The following PIK3C2G variants were observed in gnomAD, a reference collection of about 807,000 sequenced individuals.
PIK3C2G encodes phosphatidylinositol-4-phosphate 3-kinase catalytic subunit type 2 gamma, also known as phosphatidylinositol 3-kinase C2 domain-containing subunit gamma.
In PIK3C2G, 168 loss-of-function variants were observed where a neutral mutation model predicts 181.1. That is an observed-to-expected ratio of 0.93 (90% CI 0.82 to 1.05). PIK3C2G has a LOEUF of 1.05. PIK3C2G is among the 50% of genes least tolerant of loss of function. The pLI, the probability that PIK3C2G is intolerant of heterozygous loss-of-function variation, is 0.00. For missense variants in PIK3C2G, 1,869 were observed against 1,732.8 expected, an observed-to-expected ratio of 1.08 and a Z score of -1.40; for synonymous variants, 573 against 592.2, an observed-to-expected ratio of 0.97 and a Z score of 0.47.
intron 26 of PIK3C2G, among the ~76,000 whole-genome samples, chr12:18,555,098 G>A (rs537746031): frequency 6.6e-6 from 1 of 152,116 alleles, no homozygotes; most frequent in African/African-American, 2.4e-5. Flanking sequence ...GAAGCCTTAT[G>A]AGAAATATTT....
At chr12:18,687,749 ATTTAATACAAAG>A in the PIK3C2G span, among the ~76,000 whole-genome samples, 3 of 152,074 alleles carry the variant, frequency 2.0e-5, no homozygotes, top group African/African-American at 7.2e-5. Flanking sequence ...CAAATTTTTG[ATTTAATACAAAG>A]GCTAGAAGCT....
At position 18,505,291 on chromosome 12, in the gene PIK3C2G, G is replaced by T; in HGVS notation, c.3154-1G>T. 1.3e-6 allele frequency: 2 copies of T among 1,586,186 alleles called. No homozygotes were observed. The highest frequency in any genetic ancestry group is 1.2e-5 in the South Asian group (1 of 86,116). On this transcript the variant is annotated splice_acceptor_variant, in intron 23 of 32. Transcript: ENST00000538779. LOFTEE classifies it high-confidence loss of function. ...TGCATGATTGTTTTTCAATGAATTA[G>T]GCCTTGAGGAACTTTTTCTACTCCT...
chr12:18,645,702 C>A (rs150836955), intron 32 of PIK3C2G, among the ~76,000 whole-genome samples: 21 of 152,262 alleles, frequency 1.4e-4, no homozygotes, highest in Non-Finnish European at 2.4e-4. Flanking sequence ...TTCATTATCT[C>A]ATTTCTTCCT....
At chr12:18,290,760 C>T in intron 3 of PIK3C2G, 95 bp from the exon 4 acceptor site, 3 of 783,552 alleles carry the variant, frequency 3.8e-6, no homozygotes, top group East Asian at 5.3e-5. Context: ...CAAAACACTA[C>T]ATGAAGTTTC....
intron 11 of PIK3C2G, among the ~76,000 whole-genome samples, chr12:18,356,558 TC>T (rs1940752391): frequency 6.6e-6 from 1 of 152,094 alleles, no homozygotes; most frequent in East Asian, 1.9e-4. Context: ...GTGACAGCCC[TC>T]TGTATCCTGA....
Position 18,381,779 on chromosome 12 carries a change from G to A in PIK3C2G, c.1894G>A (p.Gly632Arg), listed in dbSNP as rs537382833. 1.1e-5 allele frequency: 17 copies of A among 1,607,278 alleles called. No homozygotes were observed. Among genetic ancestry groups the A allele is most frequent in the South Asian group, 5.5e-5 (5 of 90,800 alleles). Residue 632 changes from glycine (G) to arginine (R), a missense_variant, in exon 14 of 33, where the codon GGG becomes AGG. Gly to Arg is a moderately radical substitution (Grantham distance 125, BLOSUM62 -2). Transcript: ENST00000538779. Reference sequence around the variant, plus strand: ...TGTCTTTTGCAGAAAATCCATTCTCGGGTCTATGCTGTTCAGCATGACATT... The same window carrying A: ...TGTCTTTTGCAGAAAATCCATTCTCAGGTCTATGCTGTTCAGCATGACATT... Reference protein sequence around the residue: ...PLFPKEKSILGSMLFSMTLQS... With the variant: ...PLFPKEKSILRSMLFSMTLQS...
intron 1 of PIK3C2G, among the ~76,000 whole-genome samples, chr12:18,269,569 C>T (rs1418672316): frequency 2.6e-5 from 4 of 152,102 alleles, no homozygotes; most frequent in Non-Finnish European, 5.9e-5. Context: ...GGTTTCAGAA[C>T]AATATTAGAG....
At chr12:18,244,746 C>T (rs1215530176), upstream of PIK3C2G, among the ~76,000 whole-genome samples, 1 of 152,018 alleles carries the variant, frequency 6.6e-6, no homozygotes, top group African/African-American at 2.4e-5. Context: ...CCTGGGGACA[C>T]TTATAATATT....
intron 29 of PIK3C2G, among the ~76,000 whole-genome samples, chr12:18,584,958 A>C (rs1173486751): frequency 1.3e-5 from 2 of 152,206 alleles, no homozygotes; most frequent in African/African-American, 4.8e-5. Flanking sequence ...TTCTCAGTGA[A>C]GGAGAAATAA....
intron 18 of PIK3C2G, among the ~76,000 whole-genome samples, chr12:18,433,605 T>C (rs1946287722): frequency 6.6e-6 from 1 of 152,222 alleles, no homozygotes; most frequent in Non-Finnish European, 1.5e-5. Context: ...ATGATAACAA[T>C]AACTGAGTAA....
chr12:18,696,756 G>C, the PIK3C2G span, among the ~76,000 whole-genome samples: 169 of 152,072 alleles, frequency 1.1e-3, no homozygotes, highest in East Asian at 0.023. Flanking sequence ...AGGTTCTCAG[G>C]GTTGAAAGGC....
chr12:18,444,096 A>C lies in PIK3C2G; in HGVS notation c.2504+20057A>C, dbSNP rs116292939. ...TCTATTACAAAATAAATATGTAAAC[A>C]AATCAATGAATATTAAAGTTCCCAT... is the stretch of plus-strand genomic sequence containing the variant. On this transcript the variant is annotated intron_variant, in intron 18 of 32. Coordinates refer to ENST00000538779, the MANE Select transcript of PIK3C2G (RefSeq NM_001288772.2). 4.7e-3 allele frequency among the ~76,000 whole-genome samples: 717 copies of C among 152,340 alleles called. 5 individuals are homozygous for C. Among genetic ancestry groups the C allele is most frequent in the African/African-American group, 0.017 (693 of 41,590 alleles).
chr12:18,617,466 A>G (rs1948654124), intron 31 of PIK3C2G, among the ~76,000 whole-genome samples: 1 of 152,184 alleles, frequency 6.6e-6, no homozygotes, highest in Non-Finnish European at 1.5e-5. Flanking sequence ...AAGAGAGAAA[A>G]TTTTGTATGC....
At chr12:18,414,058 T>A (rs1287959268) in intron 16 of PIK3C2G, among the ~76,000 whole-genome samples, 2 of 152,140 alleles carry the variant, frequency 1.3e-5, no homozygotes, top group Non-Finnish European at 2.9e-5. Flanking sequence ...TCAGGAGCCC[T>A]TTTTGAAAAG....
intron 32 of PIK3C2G, among the ~76,000 whole-genome samples, chr12:18,640,976 A>G (rs1479721026): frequency 6.6e-6 from 1 of 152,166 alleles, no homozygotes; most frequent in Admixed American, 6.5e-5. Context: ...ATACAAATGG[A>G]AGTTAATGTA....
intron 29 of PIK3C2G, among the ~76,000 whole-genome samples, chr12:18,571,079 A>G (rs897909611): frequency 6.6e-6 from 1 of 150,910 alleles, no homozygotes; most frequent in African/African-American, 2.5e-5. Flanking sequence ...ACAATATTGT[A>G]TATACAAATT....
intron 11 of PIK3C2G, among the ~76,000 whole-genome samples, chr12:18,356,154 G>A (rs1439836830): frequency 6.6e-6 from 1 of 152,214 alleles, no homozygotes; most frequent in Non-Finnish European, 1.5e-5. Context: ...AGAGATGGCA[G>A]GTTGCATCCT....
intron 1 of PIK3C2G, among the ~76,000 whole-genome samples, chr12:18,251,416 A>C (rs1473441158): frequency 1.3e-5 from 2 of 152,012 alleles, no homozygotes; most frequent in Admixed American, 6.6e-5. Context: ...TATCACACAA[A>C]CTACAAATGC....
chr12:18,626,907 T>A (rs1241838039), intron 31 of PIK3C2G, among the ~76,000 whole-genome samples: 1 of 152,044 alleles, frequency 6.6e-6, no homozygotes, highest in Non-Finnish European at 1.5e-5. Flanking sequence ...TATATTTGGA[T>A]GTTAGCTTTT....
Sources: allele counts gnomAD v4.1 joint callset (sites outside exome capture counted in the v4.1 genomes callset), GRCh38; gene constraint gnomAD v4.1.1; transcripts MANE v1.5; gene names NCBI Gene and HGNC (gene_info 2026-07-23, HGNC 2026-07-21).